METTL25: variants seen among roughly 807,000 people sequenced by gnomAD.
The protein encoded by METTL25 is methyltransferase like 25.
METTL25 carries 64 observed loss-of-function variants against 71.6 expected under a neutral mutation model. The ratio of observed to expected loss-of-function variants is 0.89; its 90% CI spans 0.73 to 1.10. The LOEUF (loss-of-function observed/expected upper bound fraction) is 1.10. Ranked by LOEUF, METTL25 falls within the 50% of genes least tolerant of loss-of-function variation. The probability of loss-of-function intolerance (pLI) is 0.00; values close to 1 mark genes in which losing one functional copy is unlikely to be tolerated. For synonymous variants in METTL25, 287 were observed against 250.3 expected (o/e 1.15, Z -1.38); for missense variants, 807 against 707.0 (o/e 1.14, Z -1.60).
chr12:82,443,646 G>A (rs1470909380), intron 8 of METTL25, among the ~76,000 whole-genome samples: 1 of 152,062 alleles, frequency 6.6e-6, no homozygotes, highest in Non-Finnish European at 1.5e-5. Context: ...CAAGAAGAAT[G>A]GTCCCAACAT....
chr12:82,455,733 C>T (rs747777537), intron 8 of METTL25, among the ~76,000 whole-genome samples: 1 of 151,782 alleles, frequency 6.6e-6, no homozygotes, highest in East Asian at 1.9e-4. Flanking sequence ...ATGGGATATG[C>T]GGTTGAGAAA....
intron 5 of METTL25, among the ~76,000 whole-genome samples, chr12:82,412,026 C>G (rs767652975): frequency 6.6e-6 from 1 of 152,084 alleles, no homozygotes; most frequent in Non-Finnish European, 1.5e-5. Context: ...ACAAAAGTTA[C>G]TAAACATGTT....
intron 1 of METTL25, among the ~76,000 whole-genome samples, chr12:82,360,808 C>T (rs763836956): frequency 5.9e-4 from 90 of 152,054 alleles, no homozygotes; most frequent in Non-Finnish European, 1.1e-3. Flanking sequence ...AGCCACAGAC[C>T]CTCTCAGTGA....
In METTL25 at chr12:82,403,097, C is replaced by G. The variant is rs930416192; in HGVS notation, c.1246C>G (p.Leu416Val). The change falls in exon 5 of 12, where the codon CTC (leucine) becomes GTC (valine). Residue 416 changes from leucine (L) to valine (V), a missense_variant. Coordinates refer to ENST00000248306, the MANE Select transcript of METTL25 (RefSeq NM_032230.3). ...TTGCAGTGTGGGTTGTTGCTACCAC[C>G]TCTTATCTGAAGAATTTGAAAACCA... ...GVCSVGCCYH[L>V]LSEEFENQHK... 1 of 1,612,626 alleles carries G rather than the reference C, an allele frequency of 6.2e-7. No individual in the cohort carries two copies. The highest frequency in any genetic ancestry group is 1.7e-5 in the Admixed American group (1 of 59,786).
chr12:82,372,807 G>T (rs976109408), intron 1 of METTL25, among the ~76,000 whole-genome samples: 1 of 152,116 alleles, frequency 6.6e-6, no homozygotes, highest in Non-Finnish European at 1.5e-5. Context: ...CCCTGCCCAA[G>T]AACCCACAAG....
At chr12:82,431,746 C>T (rs925629817) in intron 6 of METTL25, among the ~76,000 whole-genome samples, 7 of 151,508 alleles carry the variant, frequency 4.6e-5, no homozygotes, top group African/African-American at 1.7e-4. Context: ...ACCCTTCATA[C>T]CTTGAAACTA....
At chr12:82,373,279 A>G (rs1883467505) in intron 1 of METTL25, among the ~76,000 whole-genome samples, 2 of 152,144 alleles carry the variant, frequency 1.3e-5, no homozygotes, top group Admixed American at 1.3e-4. Flanking sequence ...AATAGGAAGG[A>G]TATCATTTCT....
chr12:82,410,190 C>A (rs1440043716), intron 5 of METTL25, among the ~76,000 whole-genome samples: 1 of 152,026 alleles, frequency 6.6e-6, no homozygotes, highest in African/African-American at 2.4e-5. Flanking sequence ...TCCGTCATAT[C>A]AAATATTCTA....
At chr12:82,463,433 T>C (rs1318533739) in intron 9 of METTL25, among the ~76,000 whole-genome samples, 1 of 152,102 alleles carries the variant, frequency 6.6e-6, no homozygotes, top group African/African-American at 2.4e-5. Flanking sequence ...TATGGCCAAA[T>C]CATATTTCAT....
At chr12:82,382,478 A>T (rs942688557) in intron 1 of METTL25, among the ~76,000 whole-genome samples, 2 of 152,194 alleles carry the variant, frequency 1.3e-5, no homozygotes, top group Non-Finnish European at 2.9e-5. Context: ...TGCTATTACC[A>T]TGGAGCCTTA....
chr12:82,396,070 G>T (rs1886056722), intron 3 of METTL25, among the ~76,000 whole-genome samples: 1 of 151,948 alleles, frequency 6.6e-6, no homozygotes, highest in Non-Finnish European at 1.5e-5. Flanking sequence ...TATATGCTTA[G>T]ATACACAAGT....
At chr12:82,424,940 A>G (rs1050473442) in intron 5 of METTL25, among the ~76,000 whole-genome samples, 1 of 152,070 alleles carries the variant, frequency 6.6e-6, no homozygotes, top group African/African-American at 2.4e-5. Flanking sequence ...CCTAGCCAAC[A>G]GCTTGATTTT....
chr12:82,430,219 G>A (rs112911932), intron 5 of METTL25, among the ~76,000 whole-genome samples: 1 of 150,848 alleles, frequency 6.6e-6, no homozygotes, highest in African/African-American at 2.4e-5. Flanking sequence ...GGAACTAATA[G>A]TTCTACATCA....
chr12:82,384,532 G>A (rs1884772509), intron 1 of METTL25, among the ~76,000 whole-genome samples: 1 of 151,594 alleles, frequency 6.6e-6, no homozygotes, highest in Non-Finnish European at 1.5e-5. Flanking sequence ...ATTTTTTCAT[G>A]GAGTTCTAGA....
At position 82,422,158 on chromosome 12, in the gene METTL25, G is replaced by A. The variant is rs192424192; in HGVS notation, c.1280-8735G>A. Among the ~76,000 whole-genome samples the A allele has an allele frequency of 2.7e-3, 404 of 152,222 alleles. 1 individual carries two copies. The highest frequency in any genetic ancestry group is 9.3e-3 in the African/African-American group (388 of 41,536). Reference sequence around the variant, plus strand: ...ATGCAAAAATCCTCAATAAAATACTGGCAACCCGAATCCAGCAGCACATCA... The same window carrying A: ...ATGCAAAAATCCTCAATAAAATACTAGCAACCCGAATCCAGCAGCACATCA... On this transcript the variant is annotated intron_variant, in intron 5 of 11. Transcript: ENST00000248306.
At chr12:82,374,885 G>A (rs1883665273) in intron 1 of METTL25, among the ~76,000 whole-genome samples, 1 of 152,198 alleles carries the variant, frequency 6.6e-6, no homozygotes, top group Admixed American at 6.5e-5. Flanking sequence ...GGGGACAATA[G>A]TGGTCTAGAG....
At chr12:82,397,196 A>G (rs1886155898) in intron 3 of METTL25, among the ~76,000 whole-genome samples, 1 of 152,136 alleles carries the variant, frequency 6.6e-6, no homozygotes, top group African/African-American at 2.4e-5. Context: ...ATACCATTTT[A>G]CATCTGCGTA....
chr12:82,411,277 G>C (rs528246868), intron 5 of METTL25, among the ~76,000 whole-genome samples: 3 of 152,120 alleles, frequency 2.0e-5, no homozygotes, highest in African/African-American at 7.2e-5. Context: ...TAGGAAGAGA[G>C]TACATTTGAA....
chr12:82,434,807 C>A, intron 7 of METTL25, 83 bp downstream of exon 7: 2 of 1,098,644 alleles, frequency 1.8e-6, no homozygotes, highest in Non-Finnish European at 2.8e-6. Flanking sequence ...AACTTAAAAC[C>A]TAATGGAATT....
Sources: gnomAD v4.1 joint callset for allele counts (sites outside exome capture counted in the v4.1 genomes callset) on GRCh38, gnomAD v4.1.1 for gene constraint, MANE v1.5 for transcripts, NCBI Gene and HGNC (gene_info 2026-07-23, HGNC 2026-07-21) for gene names.